The following KCNK17 variants were observed in gnomAD, a reference collection of about 807,000 sequenced individuals.
KCNK17 encodes potassium channel subfamily K member 17.
A neutral mutation model predicts 24.6 loss-of-function variants in KCNK17; 27 were observed. The ratio of observed to expected loss-of-function variants is 1.10; its 90% CI spans 0.81 to 1.51. The LOEUF is 1.51. KCNK17 is among the 40% of genes most tolerant of loss of function. The pLI is 0.00. For synonymous variants in KCNK17, 181 were observed against 189.8 expected, an observed-to-expected ratio of 0.95 and a Z score of 0.38; for missense variants, 450 against 436.6, an observed-to-expected ratio of 1.03 and a Z score of -0.27.
Position 39,314,140 on chromosome 6 carries a change from C to A in KCNK17, c.181G>T (p.Glu61Ter). 6.3e-7 allele frequency: 1 copy of A among 1,592,462 alleles called. No individual in the cohort carries two copies. The highest frequency in any genetic ancestry group is 1.7e-5 in the Admixed American group (1 of 58,308). ...SSRSFQRDKW[E>*]LLQNFTCLDR... Reference sequence around the variant, plus strand: ...AGACACGTGAAGTTCTGCAACAGCTCCCACTTGTCGCGCTGGAAGCTGCGG... The same window carrying A: ...AGACACGTGAAGTTCTGCAACAGCTACCACTTGTCGCGCTGGAAGCTGCGG... The change falls in exon 1 of 5, where the codon GAG becomes TAG. Residue 61 changes from glutamate (E) to a stop codon, truncating the protein, a stop_gained. Coordinates refer to ENST00000373231, the MANE Select transcript of KCNK17 (RefSeq NM_031460.4). LOFTEE classifies it high-confidence loss of function.
intron 1 of KCNK17, among the ~76,000 whole-genome samples, chr6:39,312,216 T>C (rs544618611): frequency 1.2e-3 from 178 of 152,074 alleles, no homozygotes; most frequent in African/African-American, 4.0e-3. Context: ...TTAGGACAGG[T>C]GGAGAAGCAG....
chr6:39,300,871 A>G (rs1158947086), intron 4 of KCNK17, among the ~76,000 whole-genome samples: 1 of 152,154 alleles, frequency 6.6e-6, no homozygotes, highest in African/African-American at 2.4e-5. Context: ...CAGTTCAGAC[A>G]TCACTCCCTA....
At chr6:39,308,553 A>G (rs377357680) in intron 2 of KCNK17, among the ~76,000 whole-genome samples, 6 of 152,188 alleles carry the variant, frequency 3.9e-5, no homozygotes, top group South Asian at 2.1e-4. Context: ...GGCCTCCCAA[A>G]ATGCTGGGAT....
Position 39,314,210 on chromosome 6 carries a change from G to A in KCNK17, c.111C>T (p.Thr37=). The A allele has an allele frequency of 6.5e-7, 1 of 1,544,448 alleles. No individual in the cohort carries two copies. Among genetic ancestry groups the A allele is most frequent in the East Asian group, 2.4e-5 (1 of 41,254 alleles). Residue 37 remains threonine (T), a synonymous_variant, in exon 1 of 5, where the codon ACC becomes ACT. Transcript: ENST00000373231. The part of the protein sequence containing the change: ...LAYLAYLALG[T]GVFWTLEGRA... ...GGCCCTCCAGCGTCCAGAACACGCC[G>A]GTGCCCAGCGCCAGGTAAGCCAGGT...
rs577813748 is a variant in KCNK17, at chr6:39,304,741, C to T, written c.353-86G>A. 1.0e-5 allele frequency: 15 copies of T among 1,439,416 alleles called. No homozygotes were observed. The South Asian group carries it at 1.1e-4, about 11-fold the overall frequency. The allele number at this position is 1,439,416 out of a possible 1,614,324, so 89.2% of individuals were successfully genotyped here. ...CAGCCCCACTCCTGGGCCCAACCCCCAGGGCCCTCATTCTAACCCACTGTA... is the reference window on the plus strand; with the variant it reads ...CAGCCCCACTCCTGGGCCCAACCCCTAGGGCCCTCATTCTAACCCACTGTA... On this transcript the variant is annotated intron_variant, in intron 2 of 4. Transcript: ENST00000373231.
intron 2 of KCNK17, among the ~76,000 whole-genome samples, chr6:39,305,497 G>A (rs898890548): frequency 8.5e-6 from 1 of 117,508 alleles, no homozygotes; most frequent in South Asian, 2.8e-4. Context: ...GTAGAAGTTG[G>A]GGGGGTGGTC....
chr6:39,304,015 C>A lies in KCNK17; in HGVS notation c.630G>T (p.Glu210Asp), dbSNP rs757619419. The A allele has an allele frequency of 3.1e-6, 5 of 1,613,822 alleles. No individual in the cohort carries two copies. In the Admixed American group the frequency reaches 5.0e-5, roughly 16 times the overall value. Residue 210 changes from glutamate (E) to aspartate (D), a missense_variant, in exon 4 of 5, where the codon GAG (glutamate) becomes GAT (aspartate). Physicochemically the swap from Glu to Asp is conservative, Grantham distance 45 (BLOSUM62 2). Coordinates refer to ENST00000373231, the MANE Select transcript of KCNK17 (RefSeq NM_031460.4). ...GGGTGATGAAGGCGAAGTAGAAGCC[C>A]TCTGTGTAGCTCCAGCCCTCCATGT... ...FSHMEGWSYT[E>D]GFYFAFITLS...
chr6:39,304,224 TAAG>T, intron 3 of KCNK17, 93 bp from the exon 4 acceptor site: 1 of 1,220,278 alleles, frequency 8.2e-7, no homozygotes, highest in South Asian at 1.4e-5. Flanking sequence ...CTGTCCCCAG[TAAG>T]AAGGGGGCTC....
Position 39,310,880 on chromosome 6 carries a change from ATCT to A in KCNK17, c.352+10_352+12del. On this transcript the variant is annotated intron_variant, in intron 2 of 4. Transcript: ENST00000373231. ...CCCCCACCCCCATCCCCCTGGCCCCATCTGGCCCTTACCAATGGTGGTGATGGT... is the reference window on the plus strand; with the variant it reads ...CCCCCACCCCCATCCCCCTGGCCCCAGGCCCTTACCAATGGTGGTGATGGT... 54 of 1,016,884 alleles carry A rather than the reference ATCT, an allele frequency of 5.3e-5. No individual in the cohort carries two copies. The highest frequency in any genetic ancestry group is 7.6e-5 in the Non-Finnish European group (52 of 687,566). 63.0% of individuals were successfully genotyped at this position (1,016,884 alleles called of 1,614,324 possible).
At chr6:39,311,735 C>T (rs1339096276) in intron 1 of KCNK17, among the ~76,000 whole-genome samples, 1 of 152,116 alleles carries the variant, frequency 6.6e-6, no homozygotes, top group Non-Finnish European at 1.5e-5. Flanking sequence ...GCAGAGGCCT[C>T]ATGGAGAATG....
chr6:39,304,054 C>A lies in KCNK17; in HGVS notation c.591G>T (p.Pro197=). The part of the protein sequence containing the change: ...SGLLLFLLLP[P]LLFSHMEGWS... ...AGCCCTCCATGTGGGAGAAGAGCAG[C>A]GGTGGCAGCAGCAGGAAGAGCAGGA... The change falls in exon 4 of 5, where the codon CCG becomes CCT. Residue 197 remains proline, a synonymous_variant. Transcript: ENST00000373231. 1 of 1,613,560 alleles carries A rather than the reference C, an allele frequency of 6.2e-7. No individual in the cohort carries two copies. The highest frequency in any genetic ancestry group is 1.1e-5 in the South Asian group (1 of 91,080).
chr6:39,313,422 C>T (rs1762189738), intron 1 of KCNK17, among the ~76,000 whole-genome samples: 1 of 152,216 alleles, frequency 6.6e-6, no homozygotes, highest in Admixed American at 6.5e-5. Flanking sequence ...TCCTCTCGAA[C>T]CCGGGTCTGC....
At chr6:39,303,926 C>A (rs1253184134) in intron 4 of KCNK17, 31 bp downstream of exon 4, 1 of 1,603,564 alleles carries the variant, frequency 6.2e-7, no homozygotes, top group Non-Finnish European at 8.5e-7. Context: ...AGCCGAATGT[C>A]CCCGCCAGCC....
intron 4 of KCNK17, among the ~76,000 whole-genome samples, chr6:39,302,553 A>G (rs1761965257): frequency 6.6e-6 from 1 of 152,236 alleles, no homozygotes; most frequent in South Asian, 2.1e-4. Flanking sequence ...CTGTGTAAGT[A>G]GCAAAACTAT....
chr6:39,307,827 A>ACCAATCTTGTGATTGGT (rs1762061150), intron 2 of KCNK17, among the ~76,000 whole-genome samples: 1 of 152,088 alleles, frequency 6.6e-6, no homozygotes, highest in African/African-American at 2.4e-5. Context: ...TCTTCTCTGT[A>ACCAATCTTGTGATTGGT]CTTTCTCTGA....
chr6:39,304,390 C>T lies in KCNK17; in HGVS notation c.513+105G>A, dbSNP rs78422273. On this transcript the variant is annotated intron_variant, in intron 3 of 4. Transcript: ENST00000373231. Reference sequence around the variant, plus strand: ...GACCCCCAATCCCAACACAACCTCACCAGTAACACTTGCTCCCACCTCTTG... The same window carrying T: ...GACCCCCAATCCCAACACAACCTCATCAGTAACACTTGCTCCCACCTCTTG... 1,930 of 1,067,140 alleles carry T rather than the reference C, an allele frequency of 1.8e-3. 29 individuals carry two copies. The African/African-American group carries it at 0.027, about 15-fold the overall frequency. The allele number at this position is 1,067,140 out of a possible 1,614,324, so 66.1% of individuals were successfully genotyped here.
intron 1 of KCNK17, among the ~76,000 whole-genome samples, chr6:39,312,237 A>C (rs1182742000): frequency 6.6e-6 from 1 of 152,142 alleles, no homozygotes; most frequent in African/African-American, 2.4e-5. Context: ...GGCTGGGAGG[A>C]GGAGGACCAC....
intron 4 of KCNK17, among the ~76,000 whole-genome samples, chr6:39,301,110 C>T (rs1761944601): frequency 1.3e-5 from 2 of 152,148 alleles, no homozygotes; most frequent in Non-Finnish European, 2.9e-5. Context: ...CATCGGACAC[C>T]CCCAACGAAG....
chr6:39,304,156 G>A lies in KCNK17; in HGVS notation c.514-25C>T, dbSNP rs767707515. 23 of 1,597,162 alleles carry A rather than the reference G, an allele frequency of 1.4e-5. No individual in the cohort carries two copies. In the East Asian group the frequency reaches 4.3e-4, roughly 30 times the overall value. On this transcript the variant is annotated intron_variant, in intron 3 of 4. Transcript: ENST00000373231. ...CCTGTGGGTGCAACATTGTCCCCAG[G>A]CCTCCTGAGGCCTTCACCCCATGCG...
Sources: allele counts gnomAD v4.1 joint callset (sites outside exome capture counted in the v4.1 genomes callset), GRCh38; gene constraint gnomAD v4.1.1; transcripts MANE v1.5; gene names NCBI Gene and HGNC (gene_info 2026-07-23, HGNC 2026-07-21).